NLRC3: variants seen among roughly 807,000 people sequenced by gnomAD.
The protein encoded by NLRC3 is NLR family CARD domain-containing protein 3.
Under a neutral mutation model 91.6 loss-of-function variants are expected in NLRC3, and 87 were observed. That is an observed-to-expected ratio of 0.95 (90% CI 0.80 to 1.14). NLRC3 has a LOEUF of 1.14. NLRC3 is among the 50% of genes most tolerant of loss of function. The pLI is 0.00. For missense variants in NLRC3, 1,577 were observed against 1,418.6 expected (o/e 1.11, Z -1.79); for synonymous variants, 694 against 625.3 (o/e 1.11, Z -1.64).
intron 10 of NLRC3, among the ~76,000 whole-genome samples, chr16:3,551,860 C>T (rs2039026837): frequency 6.6e-6 from 1 of 150,408 alleles, no homozygotes; most frequent in South Asian, 2.1e-4. Flanking sequence ...TCCACCACTA[C>T]CCACCCAACC....
intron 8 of NLRC3, among the ~76,000 whole-genome samples, chr16:3,556,535 C>A (rs2039342716): frequency 6.6e-6 from 1 of 151,274 alleles, no homozygotes. Flanking sequence ...GAGAGAGTTT[C>A]ACTCTGTCAC....
At chr16:3,568,119 C>T (rs558921238) in intron 1 of NLRC3, among the ~76,000 whole-genome samples, 23 of 152,054 alleles carry the variant, frequency 1.5e-4, no homozygotes, top group Middle Eastern at 3.4e-3. Context: ...CCACCTCAGC[C>T]GAGCCTAGCA....
Position 3,556,943 on chromosome 16 carries a change from A to G in NLRC3, c.2151T>C (p.Ala717=). The G allele has an allele frequency of 6.2e-7, 1 of 1,613,826 alleles. No individual in the cohort carries two copies. Among genetic ancestry groups the G allele is most frequent in the East Asian group, 2.2e-5 (1 of 44,880 alleles). Residue 717 remains alanine (A), a synonymous_variant, in exon 8 of 20, where the codon GCT becomes GCC. Transcript: ENST00000359128. ...AGGTCAGGGTGCGGTTGATCTTCAAAGCGTCTGCCAGCGCCTTGGCCCCTT... is the reference window on the plus strand; with the variant it reads ...AGGTCAGGGTGCGGTTGATCTTCAAGGCGTCTGCCAGCGCCTTGGCCCCTT... ...GPQGAKALAD[A]LKINRTLTSL... is the part of the protein sequence containing the mutation.
intron 16 of NLRC3, 197 bp downstream of exon 16, chr16:3,544,049 A>G (rs1379890490): frequency 5.3e-6 from 3 of 565,418 alleles, no homozygotes; most frequent in Non-Finnish European, 9.5e-6. Flanking sequence ...CAACTACTGT[A>G]TGGGAGGCTG....
chr16:3,542,637 C>T (rs78010013), intron 18 of NLRC3, 55 bp downstream of exon 18: 3 of 1,039,438 alleles, frequency 2.9e-6, no homozygotes, highest in Admixed American at 1.9e-5. Flanking sequence ...TCAGGGAGGA[C>T]CCAGCAGAGA....
At chr16:3,542,820 A>G (rs1183045424) in intron 17 of NLRC3, 45 bp from the exon 18 acceptor site, 1 of 1,351,286 alleles carries the variant, frequency 7.4e-7, no homozygotes. Flanking sequence ...ACAGGCTGAG[A>G]GGTGATACTG....
At position 3,541,751 on chromosome 16, in the gene NLRC3, C is replaced by T. The variant is rs894909247; in HGVS notation, c.*74G>A. The T allele has an allele frequency of 2.1e-6, 2 of 974,460 alleles. No homozygotes were observed. The highest frequency in any genetic ancestry group is 3.2e-5 in the African/African-American group (2 of 62,344). The allele number at this position is 974,460 out of a possible 1,614,324, so 60.4% of individuals were successfully genotyped here. ...AGCGTTCCCAGCTCCCAGACAGGCC[C>T]CCCAGAAGTCGGCCTTTCTGTTCAA... On this transcript the variant is annotated 3_prime_UTR_variant, in exon 20 of 20. Coordinates refer to ENST00000359128, the MANE Select transcript of NLRC3 (RefSeq NM_178844.4).
intron 5 of NLRC3, 23 bp from the exon 6 acceptor site, chr16:3,561,811 G>T (rs367972105): frequency 1.3e-5 from 21 of 1,585,304 alleles, no homozygotes; most frequent in Admixed American, 6.7e-5. Context: ...AGCAGTGACA[G>T]TGAGTGTCCC....
At chr16:3,570,427 C>G (rs1020552327) in intron 1 of NLRC3, among the ~76,000 whole-genome samples, 1 of 152,084 alleles carries the variant, frequency 6.6e-6, no homozygotes, top group African/African-American at 2.4e-5. Context: ...GTGAAGGTGA[C>G]CAAGTTAGAT....
chr16:3,561,618 C>A, intron 6 of NLRC3, 84 bp downstream of exon 6: 1 of 941,632 alleles, frequency 1.1e-6, no homozygotes, highest in Non-Finnish European at 1.7e-6. Context: ...GCGCCGCTGG[C>A]CAGCTGAGCA....
chr16:3,569,392 ATAT>A (rs1555446798), intron 1 of NLRC3, among the ~76,000 whole-genome samples: 35 of 55,550 alleles, frequency 6.3e-4, no homozygotes, highest in Non-Finnish European at 7.4e-4. Flanking sequence ...ATATATATAT[ATAT>A]TATTTTTTTT....
chr16:3,551,024 C>T (rs1567130284), intron 10 of NLRC3, among the ~76,000 whole-genome samples: 1 of 151,814 alleles, frequency 6.6e-6, no homozygotes, highest in Non-Finnish European at 1.5e-5. Flanking sequence ...TACTCACCTA[C>T]CCACTTACCC....
intron 1 of NLRC3, among the ~76,000 whole-genome samples, chr16:3,575,019 A>C (rs2040233560): frequency 6.6e-6 from 1 of 152,250 alleles, no homozygotes; most frequent in Non-Finnish European, 1.5e-5. Context: ...TAAACGACAT[A>C]TAATTTTTAG....
At chr16:3,544,588 C>G (rs1253019902) in intron 15 of NLRC3, 3 of 442,560 alleles carry the variant, frequency 6.8e-6, no homozygotes, top group Non-Finnish European at 1.2e-5. Context: ...TGACTGTCAG[C>G]AGGGGCTTGG....
intron 8 of NLRC3, among the ~76,000 whole-genome samples, chr16:3,556,099 C>T (rs2039303801): frequency 6.7e-6 from 1 of 150,278 alleles, no homozygotes; most frequent in African/African-American, 2.4e-5. Flanking sequence ...GAGGCCAAGG[C>T]AGGCAGATGG....
In NLRC3 at chr16:3,561,695, G is replaced by T; in HGVS notation, c.2015+7C>A. ...GGCACCCTGGAGGTCCCCTGGGTCT[G>T]TGTTACCTGATCTTCTGAATGCGAC... On this transcript the variant is annotated splice_region_variant and intron_variant, in intron 6 of 19. Transcript: ENST00000359128. 1.2e-6 allele frequency: 2 copies of T among 1,603,590 alleles called. No homozygotes were observed. Among genetic ancestry groups the T allele is most frequent in the Non-Finnish European group, 1.7e-6 (2 of 1,170,778 alleles).
intron 9 of NLRC3, among the ~76,000 whole-genome samples, chr16:3,553,855 A>G (rs909305862): frequency 1.3e-5 from 2 of 150,896 alleles, no homozygotes; most frequent in Non-Finnish European, 3.0e-5. Context: ...GATTCTCTCA[A>G]CTTAGCCTCC....
intron 17 of NLRC3, chr16:3,543,024 G>A: frequency 1.9e-6 from 1 of 536,440 alleles, no homozygotes; most frequent in Non-Finnish European, 3.3e-6. Context: ...ATTTCAAACA[G>A]AAAAGCGGGG....
rs1184286415 is a variant in NLRC3, at chr16:3,543,779, T to C, written c.2856-271A>G. On this transcript the variant is annotated intron_variant, in intron 16 of 19. Transcript: ENST00000359128. ...CCTGTACCTCCTCATTACTACTCTC[T>C]AGGTGTTTGAGCCCCCAACTGCTAA... 1.7e-5 allele frequency: 8 copies of C among 482,054 alleles called. No individual in the cohort carries two copies. The South Asian group carries it at 1.8e-4, about 11-fold the overall frequency. 29.9% of individuals were successfully genotyped at this position (482,054 alleles called of 1,614,324 possible).
Sources: gnomAD v4.1 joint callset for allele counts (sites outside exome capture counted in the v4.1 genomes callset) on GRCh38, gnomAD v4.1.1 for gene constraint, MANE v1.5 for transcripts, NCBI Gene and HGNC (gene_info 2026-07-23, HGNC 2026-07-21) for gene names.